The following PALLD variants were observed in gnomAD, a reference collection of about 807,000 sequenced individuals.
PALLD encodes palladin, cytoskeletal associated protein, also known as palladin.
Under a neutral mutation model 123.5 loss-of-function variants are expected in PALLD, and 61 were observed. The observed-to-expected ratio is 0.49, with a 90% CI of 0.40 to 0.61. PALLD has a LOEUF of 0.61. Ranked by LOEUF, PALLD falls within the 20% of genes least tolerant of loss-of-function variation. The pLI is 0.00. For missense variants in PALLD, 1,273 were observed against 1,377.0 expected, an observed-to-expected ratio of 0.92 and a Z score of 1.20; for synonymous variants, 465 against 496.4, an observed-to-expected ratio of 0.94 and a Z score of 0.84.
At chr4:168,577,277 A>C (rs768316393) in intron 2 of PALLD, among the ~76,000 whole-genome samples, 2 of 152,132 alleles carry the variant, frequency 1.3e-5, no homozygotes, top group Non-Finnish European at 2.9e-5. Context: ...AGACTCAGCT[A>C]TTGTTATAGA....
chr4:168,593,436 C>CAAAAAAAAAAAAAAAA (rs771493669), intron 2 of PALLD, among the ~76,000 whole-genome samples: 2 of 103,310 alleles, frequency 1.9e-5, no homozygotes, highest in African/African-American at 3.8e-5. Flanking sequence ...AGTCACCAGG[C>CAAAAAAAAAAAAAAAA]AAAAAAAAAA....
intron 2 of PALLD, among the ~76,000 whole-genome samples, chr4:168,592,060 A>G (rs868391922): frequency 7.0e-6 from 1 of 143,182 alleles, no homozygotes; most frequent in Non-Finnish European, 1.5e-5. Flanking sequence ...TCTGTCACCC[A>G]GGCTGCAGTG....
Position 168,928,420 on chromosome 4 carries a change from G to A in PALLD, c.*2240G>A, listed in dbSNP as rs1762828455. 5.6e-6 allele frequency: 1 copy of A among 179,772 alleles called. No homozygotes were observed. The allele number at this position is 179,772 out of a possible 1,614,324, so 11.1% of individuals were successfully genotyped here. The stretch of plus-strand genomic sequence containing the variant: ...ATCAATAAATATTTGACAAATAATA[G>A]TTGCAGTTTTGTGAAGCAAAATAAA... On this transcript the variant is annotated 3_prime_UTR_variant, in exon 22 of 22. Transcript: ENST00000505667.
chr4:168,869,332 A>C lies in PALLD; in HGVS notation c.1965-21590A>C, dbSNP rs1384180229. On this transcript the variant is annotated intron_variant, in intron 10 of 21. Transcript: ENST00000505667. This position sits in a 1 kb window ranked among gnomAD's most constrained non-coding sequence, Gnocchi z 4.5. ...GATCTGGGCTGGTGTGTGAGATGAT[A>C]ATGCCACTGCCAAACTGACAGTGCC... 6.6e-6 allele frequency among the ~76,000 whole-genome samples: 1 copy of C among 152,136 alleles called. No individual in the cohort carries two copies. The highest frequency in any genetic ancestry group is 1.5e-5 in the Non-Finnish European group (1 of 68,034).
At chr4:168,715,201 G>A (rs1452906143) in intron 10 of PALLD, among the ~76,000 whole-genome samples, 2 of 152,080 alleles carry the variant, frequency 1.3e-5, no homozygotes, top group Non-Finnish European at 2.9e-5. Flanking sequence ...CATAAAGTGG[G>A]GGTTCCTGGC....
At chr4:168,700,114 T>C (rs1461931826) in intron 8 of PALLD, 1 of 280,196 alleles carries the variant, frequency 3.6e-6, no homozygotes, top group Non-Finnish European at 7.2e-6. Flanking sequence ...TTCTTCATTT[T>C]TATAATGTCA....
chr4:168,547,945 CAA>C (rs33961230), intron 2 of PALLD, among the ~76,000 whole-genome samples: 237 of 81,130 alleles, frequency 2.9e-3, no homozygotes, highest in South Asian at 8.9e-3. Context: ...GACTCCGTCT[CAA>C]AAAAAAAAAA....
chr4:168,724,411 A>G (rs980098157), intron 10 of PALLD, among the ~76,000 whole-genome samples: 4 of 152,226 alleles, frequency 2.6e-5, no homozygotes, highest in African/African-American at 9.7e-5. Context: ...GTTTATTTTA[A>G]TTGGTTTCTA....
chr4:168,765,804 G>A (rs1211446847), intron 10 of PALLD, among the ~76,000 whole-genome samples: 1 of 152,220 alleles, frequency 6.6e-6, no homozygotes, highest in Admixed American at 6.5e-5. Flanking sequence ...CAGCAATTCA[G>A]CCCTTTACCT....
rs1228038825 is a variant in PALLD, at chr4:168,509,770, AAAAG to A, written c.-82-1652_-82-1649del. Among the ~76,000 whole-genome samples the A allele has an allele frequency of 1.4e-4, 21 of 152,332 alleles. 1 individual carries two copies. Among genetic ancestry groups the A allele is most frequent in the Admixed American group, 1.2e-3 (19 of 15,312 alleles). On this transcript the variant is annotated intron_variant, in intron 1 of 21. Transcript: ENST00000505667. ...ATCTTTCTAAGAAGACATGTAAGAC[AAAAG>A]TACAGTATTCCACTTAAGAAGATGG... is the stretch of plus-strand genomic sequence containing the variant.
intron 2 of PALLD, among the ~76,000 whole-genome samples, chr4:168,653,457 TG>T (rs1024491943): frequency 1.8e-4 from 28 of 152,316 alleles, no homozygotes; most frequent in African/African-American, 6.7e-4. Flanking sequence ...GGTAAGGTAG[TG>T]GGGAAACACT....
intron 10 of PALLD, among the ~76,000 whole-genome samples, chr4:168,744,613 G>A (rs1272907876): frequency 1.3e-5 from 2 of 152,236 alleles, no homozygotes; most frequent in Non-Finnish European, 2.9e-5. Flanking sequence ...GGCATTAAGT[G>A]ATTCAGAAGA....
chr4:168,631,764 A>T (rs1418457517), intron 2 of PALLD: 2 of 985,272 alleles, frequency 2.0e-6, no homozygotes, highest in African/African-American at 1.7e-5. Flanking sequence ...GCTGCCAGTT[A>T]ATTTTCTCCG....
chr4:168,723,799 C>T (rs1274867177), intron 10 of PALLD, among the ~76,000 whole-genome samples: 2 of 151,926 alleles, frequency 1.3e-5, no homozygotes, highest in African/African-American at 2.4e-5. Flanking sequence ...ATAATTACTA[C>T]TTACTTTTTA....
At chr4:168,630,425 G>A (rs545428916) in intron 2 of PALLD, among the ~76,000 whole-genome samples, 49 of 152,240 alleles carry the variant, frequency 3.2e-4, no homozygotes, top group African/African-American at 8.2e-4. Flanking sequence ...CCCAAAGAGC[G>A]GAAAATTTAA....
chr4:168,537,340 G>T (rs1259241582), intron 2 of PALLD, among the ~76,000 whole-genome samples: 2 of 152,070 alleles, frequency 1.3e-5, no homozygotes, highest in African/African-American at 4.8e-5. Context: ...ACATACTTTT[G>T]GTTACACAAA....
chr4:168,680,258 A>T (rs1018288040), intron 3 of PALLD, among the ~76,000 whole-genome samples: 3 of 151,768 alleles, frequency 2.0e-5, no homozygotes, highest in African/African-American at 7.3e-5. Flanking sequence ...TGGGCAGATC[A>T]CTTGAGGTCA....
chr4:168,738,865 G>A (rs879441809), intron 10 of PALLD, among the ~76,000 whole-genome samples: 1 of 151,772 alleles, frequency 6.6e-6, no homozygotes, highest in Non-Finnish European at 1.5e-5. Flanking sequence ...AATGAGTACT[G>A]TATAATATTT....
chr4:168,565,469 C>G (rs1454828323), intron 2 of PALLD, among the ~76,000 whole-genome samples: 3 of 152,052 alleles, frequency 2.0e-5, no homozygotes, highest in Non-Finnish European at 4.4e-5. Flanking sequence ...CCAAGAAAAC[C>G]AAACCTGGAG....
Sources: allele counts gnomAD v4.1 joint callset (sites outside exome capture counted in the v4.1 genomes callset), GRCh38; gene constraint gnomAD v4.1.1; non-coding constraint Gnocchi (gnomAD v3.1); transcripts MANE v1.5; gene names NCBI Gene and HGNC (gene_info 2026-07-23, HGNC 2026-07-21).